The following TAF4B variants were observed in gnomAD, a reference collection of about 807,000 sequenced individuals.
The protein encoded by TAF4B is transcription initiation factor TFIID subunit 4B.
TAF4B carries 38 observed loss-of-function variants against 86.4 expected under a neutral mutation model. The ratio of observed to expected loss-of-function variants is 0.44; its 90% CI spans 0.34 to 0.58. The LOEUF (loss-of-function observed/expected upper bound fraction) is 0.58, where lower values mean the gene tolerates loss of function less well. Among genes scored for constraint, TAF4B ranks in the 20% least tolerant of loss-of-function variants. The pLI is 0.02. For synonymous variants in TAF4B, 388 were observed against 391.2 expected (o/e 0.99, Z 0.10); for missense variants, 988 against 1,027.6 (o/e 0.96, Z 0.53).
Position 26,389,972 on chromosome 18 carries a change from TGAA to T in TAF4B, c.2551_2553del (p.Lys851del). 1 of 1,614,096 alleles carries T rather than the reference TGAA, an allele frequency of 6.2e-7. No individual in the cohort carries two copies. ...TTTTGTATGGAACAGGAACGGGAGA[TGAA>T]GTATTCTCGAGCTCTATACCTGGCC... On this transcript the variant is annotated inframe_deletion, in exon 15 of 15. Coordinates refer to ENST00000269142, the MANE Select transcript of TAF4B (RefSeq NM_005640.3).
intron 9 of TAF4B, chr18:26,295,182 A>G: frequency 5.1e-6 from 2 of 393,596 alleles, no homozygotes; most frequent in Non-Finnish European, 5.1e-6. Flanking sequence ...CCCCATGTAC[A>G]TTTTATTTGT....
chr18:26,346,795 A>ATGTGTGTGTG (rs1357236234), intron 13 of TAF4B, among the ~76,000 whole-genome samples: 3 of 25,054 alleles, frequency 1.2e-4, no homozygotes, highest in Non-Finnish European at 2.2e-4. Flanking sequence ...ATATATATAT[A>ATGTGTGTGTG]TATGTGTATA....
intron 11 of TAF4B, among the ~76,000 whole-genome samples, chr18:26,326,198 C>T (rs1173720780): frequency 1.3e-5 from 2 of 152,126 alleles, no homozygotes; most frequent in Non-Finnish European, 2.9e-5. Flanking sequence ...CCCACTCCTG[C>T]CTATACACAC....
intron 1 of TAF4B, among the ~76,000 whole-genome samples, chr18:26,238,954 G>A (rs1020966689): frequency 9.2e-5 from 14 of 152,176 alleles, no homozygotes; most frequent in African/African-American, 2.9e-4. Flanking sequence ...ATTCCATAGT[G>A]TATATGTGCC....
intron 14 of TAF4B, among the ~76,000 whole-genome samples, chr18:26,361,078 CT>C (rs958461504): frequency 4.0e-5 from 6 of 151,486 alleles, no homozygotes; most frequent in African/African-American, 1.5e-4. Context: ...AGTATCAAAC[CT>C]TTTTTTTAAC....
intron 13 of TAF4B, among the ~76,000 whole-genome samples, chr18:26,344,740 T>C (rs555585899): frequency 1.2e-3 from 184 of 152,308 alleles, no homozygotes; most frequent in African/African-American, 4.1e-3. Context: ...TGGTGCTTGT[T>C]TCTTCTACAA....
At chr18:26,239,075 C>T (rs886761385) in intron 1 of TAF4B, among the ~76,000 whole-genome samples, 1 of 152,192 alleles carries the variant, frequency 6.6e-6, no homozygotes, top group African/African-American at 2.4e-5. Context: ...TTTATAGCAG[C>T]ATGATTTATA....
At chr18:26,254,422 C>CA (rs754418362) in intron 1 of TAF4B, among the ~76,000 whole-genome samples, 7 of 151,958 alleles carry the variant, frequency 4.6e-5, no homozygotes, top group Non-Finnish European at 8.8e-5. Flanking sequence ...TAAAACAAGT[C>CA]AGACACCCAT....
At chr18:26,313,369 A>G (rs1237675574) in intron 9 of TAF4B, among the ~76,000 whole-genome samples, 1 of 152,108 alleles carries the variant, frequency 6.6e-6, no homozygotes, top group East Asian at 1.9e-4. Context: ...TACATTCTTA[A>G]TGCTTTCGAT....
intron 14 of TAF4B, among the ~76,000 whole-genome samples, chr18:26,372,960 CAA>C (rs55712756): frequency 9.4e-5 from 13 of 138,530 alleles, no homozygotes; most frequent in Non-Finnish European, 1.4e-4. Context: ...GACTCTGTCT[CAA>C]AAAAAAAAAA....
chr18:26,226,736 C>G lies in TAF4B; in HGVS notation c.-198C>G. ...CGGGGGCAGCCCAGGCTCGCGCGGA[C>G]GAGAGGAAGGTCCGGGACGCGCGTG... On this transcript the variant is annotated 5_prime_UTR_variant, in exon 1 of 15. Coordinates refer to ENST00000269142, the MANE Select transcript of TAF4B (RefSeq NM_005640.3). 2.3e-6 allele frequency: 1 copy of G among 441,000 alleles called. No individual in the cohort carries two copies. Among genetic ancestry groups the G allele is most frequent in the Non-Finnish European group, 3.9e-6 (1 of 257,246 alleles). The allele number at this position is 441,000 out of a possible 1,614,324, so 27.3% of individuals were successfully genotyped here.
chr18:26,303,330 A>ACCC (rs2056760276), intron 9 of TAF4B, among the ~76,000 whole-genome samples: 1 of 64,692 alleles, frequency 1.5e-5, no homozygotes, highest in Non-Finnish European at 2.9e-5. Flanking sequence ...CCACTTTCAT[A>ACCC]CCTCCTCCAC....
chr18:26,367,198 A>G (rs551333734), intron 14 of TAF4B, among the ~76,000 whole-genome samples: 69 of 152,352 alleles, frequency 4.5e-4, no homozygotes, highest in Non-Finnish European at 9.0e-4. Flanking sequence ...AAAAATGAGA[A>G]TTGGCTGACA....
intron 9 of TAF4B, among the ~76,000 whole-genome samples, chr18:26,293,980 G>T (rs1208641000): frequency 6.6e-6 from 1 of 152,082 alleles, no homozygotes; most frequent in Non-Finnish European, 1.5e-5. Flanking sequence ...TTAGACGATG[G>T]TTCTTTTGCA....
chr18:26,268,566 G>A lies in TAF4B; in HGVS notation c.597+943G>A, dbSNP rs75907768. On this transcript the variant is annotated intron_variant, in intron 3 of 14. Transcript: ENST00000269142. ...GTTCATTTGAGGTCAGGGTTGCTAC[G>A]GCTTGTCTATTTATCATCACAATTG... 5.0e-3 allele frequency among the ~76,000 whole-genome samples: 759 copies of A among 152,224 alleles called. 2 individuals carry two copies. Among genetic ancestry groups the A allele is most frequent in the Non-Finnish European group, 7.2e-3 (487 of 68,018 alleles).
At chr18:26,227,742 C>T (rs2055600386) in intron 1 of TAF4B, among the ~76,000 whole-genome samples, 1 of 152,234 alleles carries the variant, frequency 6.6e-6, no homozygotes, top group African/African-American at 2.4e-5. Context: ...ACGTCGAACT[C>T]CTGGGCCCAA....
At chr18:26,373,006 T>C (rs1598837643) in intron 14 of TAF4B, among the ~76,000 whole-genome samples, 1 of 150,450 alleles carries the variant, frequency 6.6e-6, no homozygotes, top group South Asian at 2.1e-4. Flanking sequence ...TTTAGTAAGG[T>C]GCTTGCATAC....
At chr18:26,260,582 A>G (rs894986917) in intron 1 of TAF4B, among the ~76,000 whole-genome samples, 3 of 152,196 alleles carry the variant, frequency 2.0e-5, no homozygotes, top group Admixed American at 6.5e-5. Context: ...GTCAGAGATC[A>G]GATGGTTGTA....
At chr18:26,241,862 C>T (rs1051454377) in intron 1 of TAF4B, among the ~76,000 whole-genome samples, 26 of 152,164 alleles carry the variant, frequency 1.7e-4, no homozygotes, top group Admixed American at 3.3e-4. Context: ...CATTCAGGAG[C>T]AGGTTGTTCA....
Sources: gnomAD v4.1 joint callset for allele counts (sites outside exome capture counted in the v4.1 genomes callset) on GRCh38, gnomAD v4.1.1 for gene constraint, MANE v1.5 for transcripts, NCBI Gene and HGNC (gene_info 2026-07-23, HGNC 2026-07-21) for gene names.